The following ARHGAP39 variants were observed in gnomAD, a reference collection of about 807,000 sequenced individuals.
ARHGAP39 encodes rho GTPase-activating protein 39.
ARHGAP39 carries 44 observed loss-of-function variants against 106.9 expected under a neutral mutation model. That is an observed-to-expected ratio of 0.41 (90% confidence interval 0.32 to 0.53). ARHGAP39 has a LOEUF of 0.53. Ranked by LOEUF, ARHGAP39 falls within the 20% of genes least tolerant of loss-of-function variation. The pLI is 0.21. For synonymous variants in ARHGAP39, 768 were observed against 693.2 expected, an observed-to-expected ratio of 1.11 and a Z score of -1.69; for missense variants, 1,496 against 1,577.3, an observed-to-expected ratio of 0.95 and a Z score of 0.87.
At chr8:144,563,105 C>T (rs1358165003) in intron 3 of ARHGAP39, among the ~76,000 whole-genome samples, 1 of 152,226 alleles carries the variant, frequency 6.6e-6, no homozygotes, top group African/African-American at 2.4e-5. Flanking sequence ...TGAACTACAA[C>T]TGATCATGCT....
At chr8:144,620,476 C>T (rs1007621277) in intron 1 of ARHGAP39, among the ~76,000 whole-genome samples, 5 of 138,924 alleles carry the variant, frequency 3.6e-5, no homozygotes, top group South Asian at 2.3e-4. Context: ...CGTGTGTGCC[C>T]GTGTCTGTTA....
At chr8:144,642,662 T>C (rs1173226005) in intron 1 of ARHGAP39, among the ~76,000 whole-genome samples, 2 of 152,172 alleles carry the variant, frequency 1.3e-5, no homozygotes, top group Non-Finnish European at 2.9e-5. Flanking sequence ...GCTGTTCTCA[T>C]GACTGTGAAT....
At position 144,555,626 on chromosome 8, in the gene ARHGAP39, A is replaced by T; in HGVS notation, c.530T>A (p.Val177Glu). ...AATCTCATAGTCCTTCTCAAGGAACACTCCTGGTGGTGAAGAGCTGAAACA... is the reference window on the plus strand; with the variant it reads ...AATCTCATAGTCCTTCTCAAGGAACTCTCCTGGTGGTGAAGAGCTGAAACA... ...EDSGSSSPPG[V>E]FLEKDYEIYR... is the part of the protein sequence containing the mutation. Residue 177 changes from valine (V) to glutamate (E), a missense_variant, in exon 4 of 12, where the codon GTG becomes GAG. Physicochemically the swap from Val to Glu is moderately radical, Grantham distance 121 (BLOSUM62 -2). Coordinates refer to ENST00000377307, the MANE Select transcript of ARHGAP39 (RefSeq NM_025251.3). The T allele has an allele frequency of 6.2e-7, 1 of 1,613,786 alleles. No homozygotes were observed. Among genetic ancestry groups the T allele is most frequent in the Non-Finnish European group, 8.5e-7 (1 of 1,179,976 alleles).
chr8:144,638,383 G>A (rs1317935837), intron 1 of ARHGAP39, among the ~76,000 whole-genome samples: 1 of 152,148 alleles, frequency 6.6e-6, no homozygotes, highest in East Asian at 1.9e-4. Context: ...ATTACCTAGG[G>A]ACTCAAATCT....
In ARHGAP39 at chr8:144,670,427, CCACT is replaced by C. The variant is rs1444321066; in HGVS notation, c.-82+15255_-82+15258del. Among the ~76,000 whole-genome samples the C allele has an allele frequency of 6.6e-6, 1 of 152,196 alleles. No individual in the cohort carries two copies. Among genetic ancestry groups the C allele is most frequent in the Non-Finnish European group, 1.5e-5 (1 of 68,032 alleles). Reference sequence around the variant, plus strand: ...CTGCCATCTCCCCTCAGCCTCAGCCCCACTGTCATTCACCTAAACCACAGGTGGC... The same window carrying C: ...CTGCCATCTCCCCTCAGCCTCAGCCCGTCATTCACCTAAACCACAGGTGGC... On this transcript the variant is annotated intron_variant, in intron 1 of 11. Coordinates refer to ENST00000377307, the MANE Select transcript of ARHGAP39 (RefSeq NM_025251.3). This position sits in a 1 kb window ranked among gnomAD's most constrained non-coding sequence, Gnocchi z 4.4.
chr8:144,562,852 T>G (rs1025171853), intron 3 of ARHGAP39, among the ~76,000 whole-genome samples: 7 of 151,596 alleles, frequency 4.6e-5, no homozygotes, highest in Non-Finnish European at 8.8e-5. Flanking sequence ...TCGGACTCAC[T>G]CCAGTGGTTT....
chr8:144,677,412 C>T (rs1563734774), intron 1 of ARHGAP39, among the ~76,000 whole-genome samples: 2 of 152,134 alleles, frequency 1.3e-5, no homozygotes, highest in Non-Finnish European at 2.9e-5. Flanking sequence ...AATAAAGACA[C>T]TAAGAGACAA....
At chr8:144,588,433 C>G (rs1449060558) in intron 2 of ARHGAP39, among the ~76,000 whole-genome samples, 1 of 152,246 alleles carries the variant, frequency 6.6e-6, no homozygotes, top group African/African-American at 2.4e-5. Flanking sequence ...AACATGTTTT[C>G]AGAGGAAGAG....
chr8:144,640,781 C>T (rs768459851), intron 1 of ARHGAP39, among the ~76,000 whole-genome samples: 8 of 152,210 alleles, frequency 5.3e-5, no homozygotes, highest in Non-Finnish European at 1.0e-4. Flanking sequence ...TTTCGATTCA[C>T]ACAGTTGTCT....
intron 3 of ARHGAP39, among the ~76,000 whole-genome samples, chr8:144,572,322 A>G (rs1586565513): frequency 6.6e-6 from 1 of 152,304 alleles, no homozygotes. Flanking sequence ...AAATAACACC[A>G]CACATTTACA....
At chr8:144,692,871 T>C in the ARHGAP39 span, among the ~76,000 whole-genome samples, 2 of 146,576 alleles carry the variant, frequency 1.4e-5, no homozygotes, top group African/African-American at 2.5e-5. Flanking sequence ...GCGATTCTCC[T>C]ACTTCAGCCT....
chr8:144,532,721 C>T (rs1236313572), intron 9 of ARHGAP39, among the ~76,000 whole-genome samples: 2 of 152,212 alleles, frequency 1.3e-5, no homozygotes, highest in Non-Finnish European at 2.9e-5. Context: ...CAGCTGCCCT[C>T]CTGGGGCCTG....
chr8:144,551,239 G>C (rs1203246532), intron 4 of ARHGAP39, among the ~76,000 whole-genome samples: 1 of 152,094 alleles, frequency 6.6e-6, no homozygotes, highest in African/African-American at 2.4e-5. Context: ...CGGCCGGGAG[G>C]GTGGGGTGAG....
chr8:144,692,350 G>T, the ARHGAP39 span, among the ~76,000 whole-genome samples: 1 of 152,178 alleles, frequency 6.6e-6, no homozygotes, highest in Non-Finnish European at 1.5e-5. Context: ...AAGGAGGAGT[G>T]GGGGTGGGAT....
At chr8:144,680,869 G>A (rs111316551) in intron 1 of ARHGAP39, among the ~76,000 whole-genome samples, 5,493 of 152,226 alleles carry the variant, frequency 0.036, 343 homozygotes, top group African/African-American at 0.13. Flanking sequence ...ATGGAGGGGG[G>A]TGCTATTTCA....
At chr8:144,682,244 CAAA>C (rs1199836499) in intron 1 of ARHGAP39, among the ~76,000 whole-genome samples, 37 of 30,672 alleles carry the variant, frequency 1.2e-3, no homozygotes, top group African/African-American at 5.2e-3. Context: ...GACTCTATCT[CAAA>C]AAAAAAAAAA....
In ARHGAP39 at chr8:144,586,339, C is replaced by T. The variant is rs1285542085; in HGVS notation, c.81-5062G>A. 1 of 152,294 alleles carries T rather than the reference C, an allele frequency of 6.6e-6. No homozygotes were observed. Among genetic ancestry groups the T allele is most frequent in the Non-Finnish European group, 1.5e-5 (1 of 68,098 alleles). 9.4% of individuals were successfully genotyped at this position (152,294 alleles called of 1,614,324 possible). On this transcript the variant is annotated intron_variant, in intron 2 of 11. Transcript: ENST00000377307. The surrounding 1 kb of genome is among the most constrained non-coding windows in gnomAD (Gnocchi z 4.2). Reference sequence around the variant, plus strand: ...CAGGACTTCCTTCCATGACGTTTCTCACACTGCTGGAAGTGCAATCAGCTC... The same window carrying T: ...CAGGACTTCCTTCCATGACGTTTCTTACACTGCTGGAAGTGCAATCAGCTC...
intron 3 of ARHGAP39, among the ~76,000 whole-genome samples, chr8:144,569,474 A>G (rs1363049743): frequency 2.6e-5 from 4 of 152,264 alleles, no homozygotes; most frequent in African/African-American, 9.6e-5. Flanking sequence ...AACTACGGAT[A>G]CATGTAACAA....
chr8:144,588,147 T>C (rs899496516), intron 2 of ARHGAP39, among the ~76,000 whole-genome samples: 35 of 152,204 alleles, frequency 2.3e-4, no homozygotes, highest in Non-Finnish European at 1.9e-4. Flanking sequence ...AGGTGCCGGT[T>C]GACAGCACTG....
Sources: gnomAD v4.1 joint callset for allele counts (sites outside exome capture counted in the v4.1 genomes callset) on GRCh38, gnomAD v4.1.1 for gene constraint, Gnocchi (gnomAD v3.1) non-coding constraint, MANE v1.5 for transcripts, NCBI Gene and HGNC (gene_info 2026-07-23, HGNC 2026-07-21) for gene names.